GRIK1: variants seen among roughly 807,000 people sequenced by gnomAD.
The protein encoded by GRIK1 is glutamate receptor ionotropic, kainate 1.
In GRIK1, 69 loss-of-function variants were observed where a neutral mutation model predicts 105.7. The ratio of observed to expected loss-of-function variants is 0.65; its 90% CI spans 0.54 to 0.80. The LOEUF (loss-of-function observed/expected upper bound fraction) is 0.80, where lower values mean the gene tolerates loss of function less well. Ranked by LOEUF, GRIK1 falls within the 30% of genes least tolerant of loss-of-function variation. The probability of loss-of-function intolerance (pLI) is 0.00; values close to 1 mark genes in which losing one functional copy is unlikely to be tolerated. For missense variants in GRIK1, 1,109 were observed against 1,167.3 expected (o/e 0.95, Z 0.73); for synonymous variants, 438 against 431.3 (o/e 1.02, Z -0.19).
At chr21:29,575,775 C>T (rs766057133) in intron 14 of GRIK1, among the ~76,000 whole-genome samples, 43 of 151,942 alleles carry the variant, frequency 2.8e-4, no homozygotes, top group Non-Finnish European at 4.0e-4. Context: ...GAGGTTGCAG[C>T]GAGCCAAGAT....
At chr21:29,824,828 T>G (rs1229038964) in intron 1 of GRIK1, among the ~76,000 whole-genome samples, 1 of 151,954 alleles carries the variant, frequency 6.6e-6, no homozygotes, top group Non-Finnish European at 1.5e-5. Context: ...CCGGTCGACT[T>G]TAACAGCATC....
chr21:29,650,641 G>C (rs1238814355), intron 6 of GRIK1, among the ~76,000 whole-genome samples: 1 of 152,214 alleles, frequency 6.6e-6, no homozygotes, highest in African/African-American at 2.4e-5. Flanking sequence ...CTGCAGAGGT[G>C]AACCTATACG....
chr21:29,739,372 A>G (rs935039828), intron 1 of GRIK1, among the ~76,000 whole-genome samples: 1 of 152,178 alleles, frequency 6.6e-6, no homozygotes, highest in Admixed American at 6.5e-5. Context: ...TGTGGATAGA[A>G]GTTGAAGTCA....
chr21:29,819,741 A>C (rs1032677500), intron 1 of GRIK1, among the ~76,000 whole-genome samples: 1 of 152,030 alleles, frequency 6.6e-6, no homozygotes, highest in South Asian at 2.1e-4. Context: ...AGTCAAGACT[A>C]TTTGAAATAA....
At chr21:29,864,892 T>G (rs995929681) in intron 1 of GRIK1, among the ~76,000 whole-genome samples, 3 of 152,152 alleles carry the variant, frequency 2.0e-5, no homozygotes, top group Non-Finnish European at 4.4e-5. Context: ...TCTAAAGCCA[T>G]TATTGATGGT....
intron 5 of GRIK1, 59 bp from the exon 6 acceptor site, chr21:29,651,350 A>C: frequency 1.8e-6 from 2 of 1,117,846 alleles, no homozygotes; most frequent in Non-Finnish European, 2.6e-6. Flanking sequence ...TTTTTTATAC[A>C]AAAGAATATT....
At chr21:29,665,652 C>T (rs2300312) in intron 4 of GRIK1, among the ~76,000 whole-genome samples, 4,261 of 152,272 alleles carry the variant, frequency 0.028, 178 homozygotes, top group East Asian at 0.19. Context: ...TTCTTGGTCA[C>T]GTGTATGCAT....
intron 10 of GRIK1, 37 bp from the exon 11 acceptor site, chr21:29,589,079 A>G: frequency 8.7e-7 from 1 of 1,147,900 alleles, no homozygotes; most frequent in Middle Eastern, 2.0e-4. Flanking sequence ...ACCCTGTTAT[A>G]ATGAAAGGAA....
chr21:29,675,891 C>A (rs187741666), intron 3 of GRIK1, among the ~76,000 whole-genome samples: 1 of 152,254 alleles, frequency 6.6e-6, no homozygotes. Flanking sequence ...TGGCCCCTCC[C>A]AACTTTAGGA....
rs142382127 is a variant in GRIK1 at position 29,577,268 on chromosome 21, A to G, written c.1913-87T>C. On this transcript the variant is annotated intron_variant, in intron 13 of 17. Coordinates refer to ENST00000327783, the MANE Select transcript of GRIK1 (RefSeq NM_001330994.2). ...AGTTCGACACTATTCTAGGAAGATC[A>G]ACCTGTAAAAGACTTACCGTCTTGT... The G allele has an allele frequency of 4.9e-4, 363 of 746,896 alleles. 1 individual carries two copies. In the East Asian group the frequency reaches 8.5e-3, roughly 18 times the overall value. 46.3% of individuals were successfully genotyped at this position (746,896 alleles called of 1,614,324 possible).
At chr21:29,915,125 G>C (rs948491845) in intron 1 of GRIK1, among the ~76,000 whole-genome samples, 2 of 151,854 alleles carry the variant, frequency 1.3e-5, no homozygotes, top group Non-Finnish European at 2.9e-5. Context: ...ATGTATATGT[G>C]CTCATTTTCA....
At chr21:29,869,619 A>G (rs1263220011) in intron 1 of GRIK1, among the ~76,000 whole-genome samples, 2 of 152,230 alleles carry the variant, frequency 1.3e-5, no homozygotes, top group African/African-American at 4.8e-5. Context: ...TGAGTCTGGT[A>G]GTAAATTGGG....
chr21:29,812,549 C>T (rs1280472766), intron 1 of GRIK1, among the ~76,000 whole-genome samples: 1 of 152,050 alleles, frequency 6.6e-6, no homozygotes, highest in Non-Finnish European at 1.5e-5. Context: ...TCTCAAAGAC[C>T]CCATGTTGAG....
At chr21:29,860,108 A>T (rs1254247648) in intron 1 of GRIK1, among the ~76,000 whole-genome samples, 1 of 152,208 alleles carries the variant, frequency 6.6e-6, no homozygotes, top group Non-Finnish European at 1.5e-5. Context: ...AGAATCAAAG[A>T]CTTTTAACTT....
intron 1 of GRIK1, among the ~76,000 whole-genome samples, chr21:29,854,518 A>T (rs468665): frequency 6.6e-6 from 1 of 151,810 alleles, no homozygotes; most frequent in Non-Finnish European, 1.5e-5. Context: ...AGAAAAAAAA[A>T]CAAGAAATTA....
intron 1 of GRIK1, among the ~76,000 whole-genome samples, chr21:29,893,035 G>T (rs766712395): frequency 2.6e-5 from 4 of 152,124 alleles, no homozygotes; most frequent in Non-Finnish European, 5.9e-5. Flanking sequence ...AGCTGGGCAT[G>T]GTGACACACG....
intron 3 of GRIK1, among the ~76,000 whole-genome samples, chr21:29,674,396 A>C (rs1257401139): frequency 1.3e-5 from 2 of 151,964 alleles, no homozygotes; most frequent in Non-Finnish European, 2.9e-5. Flanking sequence ...ATTGAACTTC[A>C]GAGTTAAATG....
At chr21:29,846,197 CCTGA>C (rs76650910) in intron 1 of GRIK1, among the ~76,000 whole-genome samples, 48,113 of 151,260 alleles carry the variant, frequency 0.32, 8,268 homozygotes, top group African/African-American at 0.45. Flanking sequence ...TCGAGACCGG[CCTGA>C]CTAACAGGGA....
Position 29,939,371 on chromosome 21 carries a change from G to A in GRIK1, c.118+12C>T. On this transcript the variant is annotated intron_variant, in intron 1 of 17. Coordinates refer to ENST00000327783, the MANE Select transcript of GRIK1 (RefSeq NM_001330994.2). ...CCACGTCTCCCGAGCAGGCAGCCTGGGGCTCACTCACCGATCCTGAGTACT... is the reference window on the plus strand; with the variant it reads ...CCACGTCTCCCGAGCAGGCAGCCTGAGGCTCACTCACCGATCCTGAGTACT... 7.0e-7 allele frequency: 1 copy of A among 1,423,420 alleles called. No individual in the cohort carries two copies. The highest frequency in any genetic ancestry group is 2.5e-5 in the East Asian group (1 of 40,216). 88.2% of individuals were successfully genotyped at this position (1,423,420 alleles called of 1,614,324 possible).
Sources: gnomAD v4.1 joint callset for allele counts (sites outside exome capture counted in the v4.1 genomes callset) on GRCh38, gnomAD v4.1.1 for gene constraint, MANE v1.5 for transcripts, NCBI Gene and HGNC (gene_info 2026-07-23, HGNC 2026-07-21) for gene names.